The following NTM variants were observed in gnomAD, a reference collection of about 807,000 sequenced individuals.
NTM encodes IgLON family member 2.
NTM carries 13 observed loss-of-function variants against 42.1 expected under a neutral mutation model. The ratio of observed to expected loss-of-function variants is 0.31; its 90% CI spans 0.20 to 0.49. The LOEUF (loss-of-function observed/expected upper bound fraction) is 0.49, where lower values mean the gene tolerates loss of function less well. Among genes scored for constraint, NTM ranks in the 20% least tolerant of loss-of-function variants. The probability of loss-of-function intolerance (pLI) is 0.99; values close to 1 mark genes in which losing one functional copy is unlikely to be tolerated. For synonymous variants in NTM, 187 were observed against 179.2 expected, an observed-to-expected ratio of 1.04 and a Z score of -0.35; for missense variants, 373 against 452.8, an observed-to-expected ratio of 0.82 and a Z score of 1.60.
intron 1 of NTM, chr11:131,660,799 A>C (rs757183792): frequency 1.7e-6 from 2 of 1,147,946 alleles, no homozygotes; most frequent in Non-Finnish European, 2.2e-6. Flanking sequence ...AGTTTCATTA[A>C]ATATAGAAAG....
intron 7 of NTM, among the ~76,000 whole-genome samples, chr11:132,321,639 C>A (rs897510465): frequency 6.6e-6 from 1 of 152,026 alleles, no homozygotes; most frequent in Non-Finnish European, 1.5e-5. Context: ...CCCAATCTAG[C>A]AAGGCAGGCC....
intron 3 of NTM, among the ~76,000 whole-genome samples, chr11:132,201,586 C>G (rs555057312): frequency 1.3e-5 from 2 of 152,296 alleles, no homozygotes; most frequent in African/African-American, 2.4e-5. Context: ...CTTGCCAGCC[C>G]CTGGCTCTGA....
intron 1 of NTM, among the ~76,000 whole-genome samples, chr11:131,419,202 C>T (rs1947261433): frequency 6.6e-6 from 1 of 152,190 alleles, no homozygotes; most frequent in South Asian, 2.1e-4. Context: ...ACCTGGGCTT[C>T]ATCCTTGCCA....
chr11:131,773,939 CA>C lies in NTM; in HGVS notation c.83-137624del, dbSNP rs2086552376. The C allele has an allele frequency of 3.3e-6, 3 of 902,440 alleles. No individual in the cohort carries two copies. The African/African-American group carries it at 5.4e-5, about 16-fold the overall frequency. The allele number at this position is 902,440 out of a possible 1,614,324, so 55.9% of individuals were successfully genotyped here. On this transcript the variant is annotated intron_variant, in intron 1 of 8. Coordinates refer to ENST00000683400, the MANE Select transcript of NTM (RefSeq NM_001352005.2). ...ACTGCTGGACTCACTGTACAATTCC[CA>C]CAAGTGTGTTAAAGCCCAAATCCAA...
At chr11:131,767,970 T>G (rs2085391950) in intron 1 of NTM, among the ~76,000 whole-genome samples, 1 of 152,020 alleles carries the variant, frequency 6.6e-6, no homozygotes, top group Non-Finnish European at 1.5e-5. Context: ...GTTGATTGGC[T>G]GGGATGGAGG....
chr11:132,199,757 G>T (rs79517144), intron 3 of NTM, among the ~76,000 whole-genome samples: 19 of 151,746 alleles, frequency 1.3e-4, no homozygotes, highest in African/African-American at 4.1e-4. Context: ...TACTTGTGTT[G>T]CTAATGCATT....
chr11:131,787,834 TC>T (rs2089524429), intron 1 of NTM, among the ~76,000 whole-genome samples: 1 of 152,256 alleles, frequency 6.6e-6, no homozygotes, highest in East Asian at 1.9e-4. Context: ...CTTAAGTTGA[TC>T]TGTTCAGCGT....
chr11:132,179,870 C>T (rs1416281571), intron 3 of NTM, among the ~76,000 whole-genome samples: 3 of 152,158 alleles, frequency 2.0e-5, no homozygotes, highest in Non-Finnish European at 4.4e-5. Context: ...AGCAGTTTAG[C>T]ATGTGGACAC....
intron 1 of NTM, among the ~76,000 whole-genome samples, chr11:131,542,316 G>A (rs962387409): frequency 4.6e-5 from 7 of 152,148 alleles, no homozygotes; most frequent in African/African-American, 1.7e-4. Context: ...AACACACCAT[G>A]TAGCACCTGA....
intron 1 of NTM, among the ~76,000 whole-genome samples, chr11:131,500,552 T>TACATAC (rs1353089886): frequency 1.5e-5 from 1 of 68,598 alleles, no homozygotes; most frequent in African/African-American, 1.2e-4. Flanking sequence ...TATATATATA[T>TACATAC]ATATATATAT....
chr11:131,633,756 CCTCTCTCTCCCTCTCTCTCTCTCTCT>C (rs1475307732), intron 1 of NTM, among the ~76,000 whole-genome samples: 1 of 38,476 alleles, frequency 2.6e-5, no homozygotes, highest in Non-Finnish European at 5.4e-5. Flanking sequence ...TCTCTCCCTC[CCTCTCTCTCCCTCTCTCTCTCTCTCT>C]CTCTCTCACA....
chr11:131,631,095 C>T (rs2063609474), intron 1 of NTM, among the ~76,000 whole-genome samples: 1 of 152,160 alleles, frequency 6.6e-6, no homozygotes, highest in South Asian at 2.1e-4. Flanking sequence ...GGCACTCAGG[C>T]ATGGATTCAG....
At position 131,478,056 on chromosome 11, in the gene NTM, A is replaced by C. The variant is rs56290959; in HGVS notation, c.82+107168A>C. 9.8e-3 allele frequency among the ~76,000 whole-genome samples: 1,497 copies of C among 152,220 alleles called. 22 individuals carry two copies. Among genetic ancestry groups the C allele is most frequent in the African/African-American group, 0.034 (1,413 of 41,530 alleles). ...TTCTTCTCTCACTGCTTTCATAATA[A>C]TTCTTCTTAAAGAAACAAATTCAAT... On this transcript the variant is annotated intron_variant, in intron 1 of 8. Transcript: ENST00000683400.
At chr11:131,387,708 T>C (rs1323512871) in intron 1 of NTM, among the ~76,000 whole-genome samples, 1 of 152,174 alleles carries the variant, frequency 6.6e-6, no homozygotes, top group African/African-American at 2.4e-5. Context: ...ATTCTATGCA[T>C]GTAGCAAAAT....
chr11:131,756,060 GGCTCTAATTCTGAAAGGGCTCCTGGGTT>G (rs2083291181), intron 1 of NTM, among the ~76,000 whole-genome samples: 1 of 152,182 alleles, frequency 6.6e-6, no homozygotes, highest in Non-Finnish European at 1.5e-5. Context: ...TGCCAGCATT[GGCTCTAATTCTGAAAGGGCTCCTGGGTT>G]GCATCTGAGC....
At chr11:131,529,842 C>A (rs1452197483) in intron 1 of NTM, among the ~76,000 whole-genome samples, 5 of 152,126 alleles carry the variant, frequency 3.3e-5, no homozygotes, top group Non-Finnish European at 7.4e-5. Context: ...GAATAATCTA[C>A]CCTTGGAGGG....
chr11:131,376,443 A>T (rs939439148), intron 1 of NTM, among the ~76,000 whole-genome samples: 1 of 152,172 alleles, frequency 6.6e-6, no homozygotes, highest in Non-Finnish European at 1.5e-5. Context: ...TACTTAAGTC[A>T]TATTAGAGAA....
chr11:131,940,144 C>G (rs1340615215), intron 2 of NTM, among the ~76,000 whole-genome samples: 2 of 152,246 alleles, frequency 1.3e-5, no homozygotes, highest in African/African-American at 4.8e-5. Context: ...GATGACGATT[C>G]TGCAGAGATC....
rs77005738 is a variant in NTM at position 132,335,677 on chromosome 11, C to G, written c.*531C>G. The G allele has an allele frequency of 1.3e-5, 2 of 151,844 alleles. No individual in the cohort carries two copies. The highest frequency in any genetic ancestry group is 4.8e-5 in the African/African-American group (2 of 41,272). 9.4% of individuals were successfully genotyped at this position (151,844 alleles called of 1,614,324 possible). ...AAAGAAAAAGGAAACAAAATAAGACCGTCTGACAGCAACAACGGTCCCACA... is the reference window on the plus strand; with the variant it reads ...AAAGAAAAAGGAAACAAAATAAGACGGTCTGACAGCAACAACGGTCCCACA... On this transcript the variant is annotated 3_prime_UTR_variant, in exon 9 of 9. Coordinates refer to ENST00000683400, the MANE Select transcript of NTM (RefSeq NM_001352005.2).
Sources: allele counts gnomAD v4.1 joint callset (sites outside exome capture counted in the v4.1 genomes callset), GRCh38; gene constraint gnomAD v4.1.1; transcripts MANE v1.5; gene names NCBI Gene and HGNC (gene_info 2026-07-23, HGNC 2026-07-21).